DNAH6: variants seen among roughly 807,000 people sequenced by gnomAD.
DNAH6 encodes dynein axonemal heavy chain 6.
In DNAH6, 340 loss-of-function variants were observed where a neutral mutation model predicts 491.4. The observed-to-expected ratio is 0.69, with a 90% CI of 0.63 to 0.76. The LOEUF (loss-of-function observed/expected upper bound fraction) is 0.76, where lower values mean the gene tolerates loss of function less well. Ranked by LOEUF, DNAH6 falls within the 30% of genes least tolerant of loss-of-function variation. DNAH6 has a pLI of 0.00. For missense variants in DNAH6, 4,443 were observed against 4,972.2 expected (o/e 0.89, Z 3.20); for synonymous variants, 1,603 against 1,686.1 (o/e 0.95, Z 1.21).
chr2:84,594,158 T>A (rs1283496532), intron 17 of DNAH6, 73 bp downstream of exon 17: 68 of 846,320 alleles, frequency 8.0e-5, no homozygotes, highest in Non-Finnish European at 6.5e-5. Flanking sequence ...TAATTTGAAT[T>A]ATAACTTTTA....
intron 68 of DNAH6, among the ~76,000 whole-genome samples, chr2:84,795,343 T>C (rs989879053): frequency 6.6e-6 from 1 of 152,006 alleles, no homozygotes; most frequent in East Asian, 1.9e-4. Context: ...TAAAATAAAA[T>C]AAATTTAATC....
intron 21 of DNAH6, among the ~76,000 whole-genome samples, chr2:84,608,378 GAT>G (rs1315583248): frequency 3.3e-5 from 5 of 151,118 alleles, no homozygotes; most frequent in African/African-American, 1.2e-4. Flanking sequence ...ATCTATGGCA[GAT>G]ATAGCCTTAC....
At chr2:84,524,336 G>T (rs1676417627) in intron 2 of DNAH6, among the ~76,000 whole-genome samples, 1 of 151,490 alleles carries the variant, frequency 6.6e-6, no homozygotes, top group Non-Finnish European at 1.5e-5. Flanking sequence ...TGAGTCCCTG[G>T]GTGTTACTGC....
intron 40 of DNAH6, among the ~76,000 whole-genome samples, chr2:84,673,529 A>G (rs1483093423): frequency 6.6e-6 from 1 of 152,214 alleles, no homozygotes; most frequent in Non-Finnish European, 1.5e-5. Flanking sequence ...GGACAGAACT[A>G]ATGGGATAGA....
At chr2:84,551,028 A>G (rs1679295925) in intron 9 of DNAH6, among the ~76,000 whole-genome samples, 1 of 152,154 alleles carries the variant, frequency 6.6e-6, no homozygotes, top group South Asian at 2.1e-4. Context: ...GTTTTGCCCT[A>G]GCTCCATCCT....
intron 37 of DNAH6, among the ~76,000 whole-genome samples, chr2:84,663,491 G>T (rs938021801): frequency 2.0e-5 from 3 of 152,136 alleles, no homozygotes; most frequent in African/African-American, 7.2e-5. Context: ...GGAAGAAAGG[G>T]TATCAGAGAT....
At chr2:84,564,379 T>A (rs1680965403) in intron 11 of DNAH6, among the ~76,000 whole-genome samples, 1 of 152,160 alleles carries the variant, frequency 6.6e-6, no homozygotes, top group Non-Finnish European at 1.5e-5. Flanking sequence ...TTTGTAGTTC[T>A]CCATGTAGAA....
chr2:84,622,588 T>G (rs997682232), intron 26 of DNAH6, among the ~76,000 whole-genome samples: 1 of 152,160 alleles, frequency 6.6e-6, no homozygotes, highest in African/African-American at 2.4e-5. Context: ...TGATGGACAC[T>G]TGTGTTATTT....
chr2:84,797,067 A>G (rs931968882), intron 69 of DNAH6, among the ~76,000 whole-genome samples: 2 of 152,206 alleles, frequency 1.3e-5, no homozygotes, highest in African/African-American at 4.8e-5. Context: ...AGCTGGATTC[A>G]ACTGTATATC....
chr2:84,593,144 CAG>C (rs1172048389), intron 16 of DNAH6, among the ~76,000 whole-genome samples: 1 of 152,122 alleles, frequency 6.6e-6, no homozygotes, highest in Non-Finnish European at 1.5e-5. Context: ...TTAAAAAACA[CAG>C]AACCTGAAAT....
At chr2:84,512,937 T>C (rs533963179), upstream of DNAH6, among the ~76,000 whole-genome samples, 1 of 152,312 alleles carries the variant, frequency 6.6e-6, no homozygotes, top group East Asian at 1.9e-4. Flanking sequence ...CATTCTGCCT[T>C]TTAACTGATA....
At chr2:84,763,714 ATGTG>A (rs70953906) in intron 64 of DNAH6, among the ~76,000 whole-genome samples, 21,473 of 126,418 alleles carry the variant, frequency 0.17, 1,383 homozygotes, top group Middle Eastern at 0.22. Context: ...AACTGATAGG[ATGTG>A]TGTGTGTGTG....
At position 84,799,148 on chromosome 2, in the gene DNAH6, C is replaced by T. The variant is rs1417481139; in HGVS notation, c.11481+1490C>T. The stretch of plus-strand genomic sequence containing the variant: ...GATTACAGGTGGCTGTCATCATGCC[C>T]AGCTAATTTTTGTGTTTTTAGTAGA... On this transcript the variant is annotated intron_variant, in intron 70 of 76. Transcript: ENST00000389394. Among the ~76,000 whole-genome samples the T allele has an allele frequency of 2.6e-5, 4 of 152,112 alleles. No individual in the cohort carries two copies. In the East Asian group the frequency reaches 7.7e-4, roughly 29 times the overall value.
chr2:84,489,335 A>G, the DNAH6 span, among the ~76,000 whole-genome samples: 2 of 152,106 alleles, frequency 1.3e-5, no homozygotes, highest in South Asian at 4.1e-4. Context: ...CATAGGAGTC[A>G]GAGTGATGCT....
At chr2:84,509,068 T>G in the DNAH6 span, among the ~76,000 whole-genome samples, 2 of 152,218 alleles carry the variant, frequency 1.3e-5, no homozygotes, top group African/African-American at 4.8e-5. Context: ...GAGAGTTCTG[T>G]AGATGTCTAT....
At chr2:84,607,198 T>A (rs1462888729) in intron 21 of DNAH6, 103 bp downstream of exon 21, 1 of 1,176,490 alleles carries the variant, frequency 8.5e-7, no homozygotes, top group Non-Finnish European at 1.2e-6. Flanking sequence ...GGTTTTAAAA[T>A]GTAAGTTTTA....
At chr2:84,735,757 A>C (rs766166649) in intron 62 of DNAH6, among the ~76,000 whole-genome samples, 6 of 152,120 alleles carry the variant, frequency 3.9e-5, no homozygotes, top group Non-Finnish European at 7.4e-5. Flanking sequence ...AGTTCTTTAT[A>C]GATTCTGAAT....
At chr2:84,788,552 G>A (rs1027193839) in intron 68 of DNAH6, among the ~76,000 whole-genome samples, 3 of 152,062 alleles carry the variant, frequency 2.0e-5, no homozygotes, top group Non-Finnish European at 4.4e-5. Context: ...AAAGAATAAC[G>A]TTTCCCAATT....
rs1160040866 is a variant in DNAH6 at position 84,550,074 on chromosome 2, T to C, written c.1485+17T>C. The stretch of plus-strand genomic sequence containing the variant: ...GATAAAAAGGTATACTCACACAAAA[T>C]TAAGAATATTTTATTGGTCAGCATT... On this transcript the variant is annotated intron_variant, in intron 9 of 76. Coordinates refer to ENST00000389394, the MANE Select transcript of DNAH6 (RefSeq NM_001370.2). 6.3e-6 allele frequency: 10 copies of C among 1,595,080 alleles called. No individual in the cohort carries two copies. The highest frequency in any genetic ancestry group is 1.7e-5 in the Admixed American group (1 of 59,038).
Sources: gnomAD v4.1 joint callset for allele counts (sites outside exome capture counted in the v4.1 genomes callset) on GRCh38, gnomAD v4.1.1 for gene constraint, MANE v1.5 for transcripts, NCBI Gene and HGNC (gene_info 2026-07-23, HGNC 2026-07-21) for gene names.